Variants in UBE2H observed in about 807,000 individuals in gnomAD.
The protein encoded by UBE2H is ubiquitin conjugating enzyme E2 H.
UBE2H carries 3 observed loss-of-function variants against 29.0 expected under a neutral mutation model. That is an observed-to-expected ratio of 0.10 (90% CI 0.05 to 0.27). The LOEUF (loss-of-function observed/expected upper bound fraction) is 0.27, where lower values mean the gene tolerates loss of function less well. Ranked by LOEUF, UBE2H falls within the 10% of genes least tolerant of loss-of-function variation. The pLI is 1.00. For missense variants in UBE2H, 68 were observed against 228.2 expected (o/e 0.30, Z 4.52); for synonymous variants, 69 against 82.9 (o/e 0.83, Z 0.91).
chr7:129,868,778 A>G (rs1249171000), intron 3 of UBE2H, among the ~76,000 whole-genome samples: 1 of 152,118 alleles, frequency 6.6e-6, no homozygotes, highest in African/African-American at 2.4e-5. Flanking sequence ...GCCTGCTCAC[A>G]GCAGGTTTCA....
intron 3 of UBE2H, among the ~76,000 whole-genome samples, chr7:129,872,951 G>A (rs558902560): frequency 2.3e-4 from 35 of 150,708 alleles, no homozygotes; most frequent in Non-Finnish European, 4.3e-4. Context: ...GTCCAGTCTA[G>A]TGGAACAGGG....
At chr7:129,913,956 G>A (rs1167138524) in intron 1 of UBE2H, among the ~76,000 whole-genome samples, 1 of 152,090 alleles carries the variant, frequency 6.6e-6, no homozygotes, top group East Asian at 1.9e-4. Context: ...AAGAACAAAT[G>A]GAATCTGGAC....
intron 1 of UBE2H, among the ~76,000 whole-genome samples, chr7:129,944,755 C>T (rs1250851668): frequency 4.0e-5 from 6 of 150,014 alleles, no homozygotes; most frequent in Admixed American, 2.0e-4. Context: ...CACACACGCA[C>T]GCACGCACGC....
rs562361949 is a variant in UBE2H at position 129,938,391 on chromosome 7, C to G, written c.53+14112G>C. On this transcript the variant is annotated intron_variant, in intron 1 of 6. Transcript: ENST00000355621. ...CACCACTGCACTCCAGCGTGGGCAA[C>G]AGAGAGAGAGACTGCCTCATTCAAA... Among the ~76,000 whole-genome samples, 12 of 107,614 alleles carry G rather than the reference C, an allele frequency of 1.1e-4. No homozygotes were observed. The East Asian group carries it at 1.2e-3, about 11-fold the overall frequency. The allele number at this position is 107,614 out of a possible 152,430, so 70.6% of individuals were successfully genotyped here. A position where few individuals can be genotyped will look rare whatever the true frequency, so the allele number is the denominator to read the frequency against.
chr7:129,879,666 A>C (rs1421448929), intron 2 of UBE2H, 24 bp from the exon 3 acceptor site: 1 of 1,587,562 alleles, frequency 6.3e-7, no homozygotes, highest in African/African-American at 1.3e-5. Flanking sequence ...AAAAATGTTC[A>C]TCAGAACTAC....
intron 1 of UBE2H, chr7:129,949,066 T>G (rs867875857): frequency 2.2e-6 from 1 of 456,506 alleles, no homozygotes; most frequent in Middle Eastern, 3.3e-4. Context: ...GCATACGCTT[T>G]TCCAAAACAA....
chr7:129,922,283 T>G (rs1807178981), intron 1 of UBE2H, among the ~76,000 whole-genome samples: 1 of 146,230 alleles, frequency 6.8e-6, no homozygotes, highest in African/African-American at 2.6e-5. Context: ...CCACCGTGCC[T>G]GGCCTTTTAA....
intron 1 of UBE2H, among the ~76,000 whole-genome samples, chr7:129,931,431 ATG>A (rs1232914446): frequency 6.6e-6 from 1 of 152,076 alleles, no homozygotes; most frequent in Non-Finnish European, 1.5e-5. Context: ...GAGCTTTTCT[ATG>A]TGTGTTATTT....
chr7:129,864,094 C>T (rs1421967227), intron 3 of UBE2H, among the ~76,000 whole-genome samples: 1 of 152,120 alleles, frequency 6.6e-6, no homozygotes, highest in Admixed American at 6.6e-5. Context: ...GCACCTGGCC[C>T]TCAGGCTTAA....
chr7:129,857,281 A>AT (rs1805724049), intron 5 of UBE2H: 1 of 554,624 alleles, frequency 1.8e-6, no homozygotes, highest in African/African-American at 1.9e-5. Context: ...ATGTATCACT[A>AT]TACCTTAAGT....
At chr7:129,904,704 T>C (rs1584777307) in intron 1 of UBE2H, among the ~76,000 whole-genome samples, 1 of 152,168 alleles carries the variant, frequency 6.6e-6, no homozygotes, top group Non-Finnish European at 1.5e-5. Flanking sequence ...AAATGAATAG[T>C]GTGAGTAGGT....
At chr7:129,879,419 C>G in intron 3 of UBE2H, 149 bp downstream of exon 3, 1 of 710,302 alleles carries the variant, frequency 1.4e-6, no homozygotes, top group Non-Finnish European at 2.4e-6. Context: ...AAGTTCCCCC[C>G]AAAAGTCACT....
At chr7:129,867,692 A>G (rs1322118756) in intron 3 of UBE2H, among the ~76,000 whole-genome samples, 1 of 95,788 alleles carries the variant, frequency 1.0e-5, no homozygotes, top group Non-Finnish European at 2.0e-5. Context: ...TAAAACTTAG[A>G]GTATAATAAA....
intron 1 of UBE2H, among the ~76,000 whole-genome samples, chr7:129,891,026 C>T (rs908571301): frequency 4.0e-5 from 6 of 151,614 alleles, no homozygotes; most frequent in Non-Finnish European, 8.8e-5. Context: ...ATCCCAGCTA[C>T]TTGGGAGGCT....
intron 5 of UBE2H, among the ~76,000 whole-genome samples, chr7:129,843,782 C>T (rs1346985742): frequency 6.6e-6 from 1 of 152,072 alleles, no homozygotes; most frequent in African/African-American, 2.4e-5. Flanking sequence ...CTGCACACAG[C>T]GAACGGAAGG....
rs143399270 is a variant in UBE2H, at chr7:129,928,226, T to C, written c.53+24277A>G. ...CGTGCCTGTAGTCCACTTGGGAGGC[T>C]GAGGCAGGAGAAGTGCTTCAACTCC... On this transcript the variant is annotated intron_variant, in intron 1 of 6. Coordinates refer to ENST00000355621, the MANE Select transcript of UBE2H (RefSeq NM_003344.4). 6.1e-3 allele frequency among the ~76,000 whole-genome samples: 929 copies of C among 151,984 alleles called. 9 individuals carry two copies. Among genetic ancestry groups the C allele is most frequent in the African/African-American group, 0.021 (880 of 41,462 alleles).
chr7:129,863,808 G>GTTTTTTTTTTTTCTGTTT (rs1805844759), intron 3 of UBE2H, among the ~76,000 whole-genome samples: 3 of 136,042 alleles, frequency 2.2e-5, no homozygotes, highest in African/African-American at 8.3e-5. Context: ...AATACTAGGT[G>GTTTTTTTTTTTTCTGTTT]TTTTTTTTTT....
chr7:129,871,713 CAA>C (rs369901584), intron 3 of UBE2H, among the ~76,000 whole-genome samples: 29 of 124,302 alleles, frequency 2.3e-4, no homozygotes, highest in Admixed American at 1.6e-4. Context: ...GACTCTGTAT[CAA>C]AAAAAAAAAA....
intron 1 of UBE2H, among the ~76,000 whole-genome samples, chr7:129,932,679 C>G (rs1807431509): frequency 1.4e-5 from 2 of 146,324 alleles, no homozygotes; most frequent in South Asian, 4.3e-4. Context: ...GAGGCTGAGG[C>G]AGAAGAATTG....
Sources: gnomAD v4.1 joint callset for allele counts (sites outside exome capture counted in the v4.1 genomes callset) on GRCh38, gnomAD v4.1.1 for gene constraint, MANE v1.5 for transcripts, NCBI Gene and HGNC (gene_info 2026-07-23, HGNC 2026-07-21) for gene names.